The following LUZP2 variants were observed in gnomAD, a reference collection of about 807,000 sequenced individuals.
LUZP2 encodes leucine zipper protein 2.
LUZP2 carries 52 observed loss-of-function variants against 51.6 expected under a neutral mutation model. The observed-to-expected ratio is 1.01, with a 90% CI of 0.81 to 1.27. The LOEUF is 1.27. Among genes scored for constraint, LUZP2 ranks in the 50% most tolerant of loss-of-function variants. LUZP2 has a pLI of 0.00. For missense variants in LUZP2, 436 were observed against 395.4 expected (o/e 1.10, Z -0.87); for synonymous variants, 154 against 137.3 (o/e 1.12, Z -0.85).
intron 5 of LUZP2, among the ~76,000 whole-genome samples, chr11:24,850,571 T>A (rs996712807): frequency 2.6e-5 from 4 of 152,188 alleles, no homozygotes; most frequent in African/African-American, 9.6e-5. Flanking sequence ...TCCAGCTTTG[T>A]TCTTTTTGCT....
intron 5 of LUZP2, among the ~76,000 whole-genome samples, chr11:24,767,247 G>A (rs1435908553): frequency 6.6e-6 from 1 of 152,096 alleles, no homozygotes; most frequent in Non-Finnish European, 1.5e-5. Context: ...CAGTTTTCCA[G>A]TAACTTTGTA....
At chr11:24,954,812 T>C (rs534137580) in intron 7 of LUZP2, among the ~76,000 whole-genome samples, 1 of 152,090 alleles carries the variant, frequency 6.6e-6, no homozygotes, top group Non-Finnish European at 1.5e-5. Context: ...AAATATGATA[T>C]TCTACAAGAT....
intron 7 of LUZP2, among the ~76,000 whole-genome samples, chr11:24,939,659 A>G (rs1380418219): frequency 6.6e-6 from 1 of 152,204 alleles, no homozygotes; most frequent in Non-Finnish European, 1.5e-5. Flanking sequence ...ACGAATCACT[A>G]TTTAATAAAT....
chr11:24,752,620 A>G (rs953961564), intron 4 of LUZP2, among the ~76,000 whole-genome samples: 1 of 152,148 alleles, frequency 6.6e-6, no homozygotes, highest in Non-Finnish European at 1.5e-5. Context: ...AACCAAGACT[A>G]TTATAAATTT....
At chr11:24,998,740 AT>A (rs1459822576) in intron 9 of LUZP2, among the ~76,000 whole-genome samples, 2 of 152,142 alleles carry the variant, frequency 1.3e-5, no homozygotes, top group Non-Finnish European at 1.5e-5. Context: ...TCTTTCAGGT[AT>A]TCAAACCTGG....
intron 1 of LUZP2, among the ~76,000 whole-genome samples, chr11:24,702,805 T>C (rs1380713507): frequency 6.6e-6 from 1 of 152,220 alleles, no homozygotes; most frequent in Non-Finnish European, 1.5e-5. Flanking sequence ...AGATTTAAAA[T>C]GTGAAGAACC....
chr11:24,983,641 G>T (rs1856103615), intron 9 of LUZP2, among the ~76,000 whole-genome samples: 1 of 151,322 alleles, frequency 6.6e-6, no homozygotes, highest in Non-Finnish European at 1.5e-5. Context: ...TTTTCTTCTG[G>T]GGCACAAGTA....
intron 1 of LUZP2, among the ~76,000 whole-genome samples, chr11:24,636,065 A>G (rs1855095908): frequency 6.6e-6 from 1 of 152,140 alleles, no homozygotes; most frequent in Non-Finnish European, 1.5e-5. Flanking sequence ...TGACTCAGTT[A>G]CCTGTAAAAA....
Position 25,078,610 on chromosome 11 carries a change from A to G in LUZP2, c.993A>G (p.Pro331=), listed in dbSNP as rs1294966350. Residue 331 remains proline (P), a synonymous_variant, in exon 12 of 12, where the codon CCA becomes CCG. Transcript: ENST00000336930. ...ECEVKKAPEK[P]LTSFEGMAAR... ...AGGTGAAAAAAGCCCCAGAAAAACC[A>G]TTGACCAGCTTTGAAGGGATGGCAG... The G allele has an allele frequency of 1.2e-6, 2 of 1,612,442 alleles. No individual in the cohort carries two copies. The highest frequency in any genetic ancestry group is 1.7e-6 in the Non-Finnish European group (2 of 1,179,666).
At chr11:24,979,052 T>A (rs961954849) in intron 8 of LUZP2, among the ~76,000 whole-genome samples, 4 of 151,766 alleles carry the variant, frequency 2.6e-5, no homozygotes, top group Non-Finnish European at 5.9e-5. Flanking sequence ...TTCAAATTCC[T>A]CAAAATCTTT....
intron 1 of LUZP2, among the ~76,000 whole-genome samples, chr11:24,723,749 T>C (rs1858366824): frequency 6.6e-6 from 1 of 152,108 alleles, no homozygotes; most frequent in African/African-American, 2.4e-5. Flanking sequence ...GAGGATGGCT[T>C]GTGATCAGGA....
intron 1 of LUZP2, among the ~76,000 whole-genome samples, chr11:24,574,228 CTTTCTTTCTT>C (rs1852547477): frequency 5.5e-4 from 1 of 1,804 alleles, no homozygotes; most frequent in South Asian, 0.036. Context: ...TTCTTTCTTT[CTTTCTTTCTT>C]TCTTTCTTTC....
intron 9 of LUZP2, among the ~76,000 whole-genome samples, chr11:25,022,167 G>A (rs919213170): frequency 6.6e-6 from 1 of 151,798 alleles, no homozygotes; most frequent in Non-Finnish European, 1.5e-5. Context: ...ACCCCAGAAG[G>A]GTCAGCTAAC....
At chr11:24,524,150 A>G (rs534480064) in intron 1 of LUZP2, among the ~76,000 whole-genome samples, 8 of 151,970 alleles carry the variant, frequency 5.3e-5, no homozygotes, top group African/African-American at 1.7e-4. Context: ...ATTTTCTATT[A>G]GATGACAAAG....
At chr11:24,976,171 AT>A (rs1417697801) in intron 7 of LUZP2, among the ~76,000 whole-genome samples, 1 of 151,880 alleles carries the variant, frequency 6.6e-6, no homozygotes, top group Non-Finnish European at 1.5e-5. Flanking sequence ...TTTAATTTTA[AT>A]TACCCCCAAA....
intron 1 of LUZP2, among the ~76,000 whole-genome samples, chr11:24,530,044 C>A (rs1431549016): frequency 1.3e-5 from 2 of 150,826 alleles, no homozygotes; most frequent in African/African-American, 4.8e-5. Context: ...GTGGAAATGT[C>A]CTATAAAACT....
intron 5 of LUZP2, among the ~76,000 whole-genome samples, chr11:24,841,743 A>T (rs1445904557): frequency 6.6e-6 from 1 of 152,120 alleles, no homozygotes; most frequent in Non-Finnish European, 1.5e-5. Flanking sequence ...TAGATATTCT[A>T]GGCCTTGGGC....
chr11:24,775,623 A>G (rs547214980), intron 5 of LUZP2, among the ~76,000 whole-genome samples: 1 of 152,274 alleles, frequency 6.6e-6, no homozygotes, highest in South Asian at 2.1e-4. Flanking sequence ...TGCTGCTTTT[A>G]TCAATTAATT....
chr11:24,545,465 A>G (rs1370440063), intron 1 of LUZP2, among the ~76,000 whole-genome samples: 1 of 151,882 alleles, frequency 6.6e-6, no homozygotes, highest in Non-Finnish European at 1.5e-5. Context: ...ATGTGGTGTA[A>G]AAAAGGGGTC....
Sources: allele counts gnomAD v4.1 joint callset (sites outside exome capture counted in the v4.1 genomes callset), GRCh38; gene constraint gnomAD v4.1.1; transcripts MANE v1.5; gene names NCBI Gene and HGNC (gene_info 2026-07-23, HGNC 2026-07-21).